CDH18: variants seen among roughly 807,000 people sequenced by gnomAD.
CDH18 encodes cadherin-18.
In CDH18, 31 loss-of-function variants were observed where a neutral mutation model predicts 67.9. The ratio of observed to expected loss-of-function variants is 0.46; its 90% CI spans 0.34 to 0.62. The LOEUF is 0.62. Ranked by LOEUF, CDH18 falls within the 20% of genes least tolerant of loss-of-function variation. CDH18 has a pLI of 0.01. For synonymous variants in CDH18, 362 were observed against 347.2 expected (o/e 1.04, Z -0.48); for missense variants, 890 against 975.5 (o/e 0.91, Z 1.17).
At chr5:20,005,795 T>A (rs954085077) in intron 2 of CDH18, among the ~76,000 whole-genome samples, 14 of 152,128 alleles carry the variant, frequency 9.2e-5, no homozygotes, top group Admixed American at 7.2e-4. Context: ...TAATTTTGGA[T>A]CTTCTTAGAC....
intron 5 of CDH18, among the ~76,000 whole-genome samples, chr5:19,660,859 C>A (rs1030366465): frequency 2.6e-5 from 4 of 151,884 alleles, no homozygotes; most frequent in Non-Finnish European, 5.9e-5. Context: ...CTCAATGTAG[C>A]CACCTGGACT....
intron 1 of CDH18, among the ~76,000 whole-genome samples, chr5:20,261,898 C>A (rs911681077): frequency 6.6e-6 from 1 of 151,030 alleles, no homozygotes; most frequent in Non-Finnish European, 1.5e-5. Context: ...AATAATCCAT[C>A]GCTCCTTGGA....
At chr5:20,098,607 A>T in intron 2 of CDH18, among the ~76,000 whole-genome samples, 1 of 152,088 alleles carries the variant, frequency 6.6e-6, no homozygotes, top group Non-Finnish European at 1.5e-5. Flanking sequence ...AAATTATATC[A>T]TCAGAAAATA....
intron 2 of CDH18, among the ~76,000 whole-genome samples, chr5:19,934,163 G>C (rs1456587624): frequency 1.3e-5 from 2 of 150,960 alleles, no homozygotes; most frequent in Admixed American, 1.3e-4. Context: ...AGAAAGGAAA[G>C]AAGGAAACAA....
chr5:20,017,077 A>T (rs1036656297), intron 2 of CDH18, among the ~76,000 whole-genome samples: 1 of 152,130 alleles, frequency 6.6e-6, no homozygotes, highest in African/African-American at 2.4e-5. Flanking sequence ...TAAGAAATTG[A>T]TGTGTTCTCT....
chr5:20,112,398 A>G (rs932277372), intron 2 of CDH18, among the ~76,000 whole-genome samples: 1 of 152,204 alleles, frequency 6.6e-6, no homozygotes, highest in African/African-American at 2.4e-5. Flanking sequence ...ATTCAGACTC[A>G]TATATTAGAT....
At chr5:19,672,718 G>A (rs908095131) in intron 5 of CDH18, among the ~76,000 whole-genome samples, 1 of 151,942 alleles carries the variant, frequency 6.6e-6, no homozygotes, top group African/African-American at 2.4e-5. Context: ...AATAACAACA[G>A]TATAAGTATT....
intron 1 of CDH18, among the ~76,000 whole-genome samples, chr5:20,308,350 C>T (rs931829378): frequency 6.6e-6 from 1 of 151,946 alleles, no homozygotes; most frequent in Non-Finnish European, 1.5e-5. Context: ...CAAGACCAGC[C>T]TGGGCGACAC....
intron 1 of CDH18, among the ~76,000 whole-genome samples, chr5:20,538,564 C>T (rs933976846): frequency 5.9e-5 from 9 of 152,124 alleles, no homozygotes; most frequent in Non-Finnish European, 1.0e-4. Flanking sequence ...CTGATAGCAT[C>T]TCATGCAGAA....
chr5:20,267,102 T>A (rs529182055), intron 1 of CDH18, among the ~76,000 whole-genome samples: 1 of 152,198 alleles, frequency 6.6e-6, no homozygotes, highest in South Asian at 2.1e-4. Flanking sequence ...TCAGATAGTT[T>A]AAAGAAAATG....
At chr5:19,772,965 A>G (rs576838179) in intron 3 of CDH18, among the ~76,000 whole-genome samples, 6 of 152,216 alleles carry the variant, frequency 3.9e-5, no homozygotes, top group Non-Finnish European at 8.8e-5. Flanking sequence ...TTAAGTAAAC[A>G]TCAATAATTA....
At chr5:20,216,546 T>C (rs1440429464) in intron 2 of CDH18, among the ~76,000 whole-genome samples, 1 of 151,942 alleles carries the variant, frequency 6.6e-6, no homozygotes, top group African/African-American at 2.4e-5. Flanking sequence ...TTCATTATTA[T>C]ATAGGTATAT....
At chr5:19,544,370 T>A (rs1735947278) in intron 8 of CDH18, among the ~76,000 whole-genome samples, 1 of 152,132 alleles carries the variant, frequency 6.6e-6, no homozygotes, top group Non-Finnish European at 1.5e-5. Flanking sequence ...CTTCTTGTTG[T>A]TATTATTCAA....
intron 9 of CDH18, among the ~76,000 whole-genome samples, chr5:19,532,020 C>T (rs701009): frequency 0.025 from 3,742 of 152,172 alleles, 166 homozygotes; most frequent in African/African-American, 0.085. Context: ...TGACTAGATG[C>T]CTCTGCAAAA....
intron 3 of CDH18, among the ~76,000 whole-genome samples, chr5:19,772,970 T>G (rs2149746197): frequency 6.6e-6 from 1 of 152,316 alleles, no homozygotes; most frequent in Admixed American, 6.5e-5. Flanking sequence ...TAAACATCAA[T>G]AATTAAGAGC....
rs116327922 is a variant in CDH18, at chr5:20,125,528, A to G, written c.-518+129916T>C. Reference sequence around the variant, plus strand: ...TATTCTTATATTTCATTGGGGAAAAAAAGACTAGCTATCAAACTTTTAAAA... The same window carrying G: ...TATTCTTATATTTCATTGGGGAAAAGAAGACTAGCTATCAAACTTTTAAAA... On this transcript the variant is annotated intron_variant, in intron 2 of 14. Transcript: ENST00000507958. Among the ~76,000 whole-genome samples, 188 of 152,232 alleles carry G rather than the reference A, an allele frequency of 1.2e-3. 1 individual carries two copies. Among genetic ancestry groups the G allele is most frequent in the African/African-American group, 4.3e-3 (177 of 41,540 alleles).
chr5:19,779,129 A>C (rs1333113326), intron 3 of CDH18, among the ~76,000 whole-genome samples: 1 of 152,176 alleles, frequency 6.6e-6, no homozygotes, highest in Non-Finnish European at 1.5e-5. Flanking sequence ...ATGCCATTTA[A>C]TAGAGGGAAA....
chr5:20,410,554 G>A (rs918888994), intron 1 of CDH18, among the ~76,000 whole-genome samples: 2 of 151,604 alleles, frequency 1.3e-5, no homozygotes, highest in African/African-American at 4.8e-5. Context: ...ACACATTCAA[G>A]GGTGAAAACT....
At chr5:20,496,220 C>A (rs1424466577) in intron 1 of CDH18, among the ~76,000 whole-genome samples, 2 of 151,976 alleles carry the variant, frequency 1.3e-5, no homozygotes, top group Admixed American at 1.3e-4. Context: ...ATTGCAAACC[C>A]CCTGGGTAAA....
Sources: gnomAD v4.1 joint callset for allele counts (sites outside exome capture counted in the v4.1 genomes callset) on GRCh38, gnomAD v4.1.1 for gene constraint, MANE v1.5 for transcripts, NCBI Gene and HGNC (gene_info 2026-07-23, HGNC 2026-07-21) for gene names.